EMCN: variants seen among roughly 807,000 people sequenced by gnomAD.
The protein encoded by EMCN is endomucin, also known as MUC-14.
EMCN carries 37 observed loss-of-function variants against 38.4 expected under a neutral mutation model. The observed-to-expected ratio is 0.96, with a 90% CI of 0.74 to 1.27. EMCN has a LOEUF of 1.27. Among genes scored for constraint, EMCN ranks in the 50% most tolerant of loss-of-function variants. EMCN has a pLI of 0.00. For missense variants in EMCN, 318 were observed against 302.8 expected (o/e 1.05, Z -0.37); for synonymous variants, 95 against 100.8 (o/e 0.94, Z 0.35).
intron 10 of EMCN, among the ~76,000 whole-genome samples, chr4:100,410,604 A>C (rs1726525861): frequency 6.6e-6 from 1 of 151,810 alleles, no homozygotes; most frequent in African/African-American, 2.4e-5. Context: ...GTCAGGGGGC[A>C]GTGGGGGCGG....
At chr4:100,438,597 G>A (rs1727420889) in intron 5 of EMCN, among the ~76,000 whole-genome samples, 1 of 151,402 alleles carries the variant, frequency 6.6e-6, no homozygotes, top group Non-Finnish European at 1.5e-5. Context: ...ATGATTGCTC[G>A]TGCTAGTACT....
chr4:100,515,148 T>C (rs1729720870), intron 1 of EMCN, among the ~76,000 whole-genome samples: 1 of 152,138 alleles, frequency 6.6e-6, no homozygotes, highest in Non-Finnish European at 1.5e-5. Context: ...ATTTTAATAT[T>C]TCCCAAGTTA....
chr4:100,417,617 G>A (rs768683313), intron 8 of EMCN, among the ~76,000 whole-genome samples: 4 of 152,132 alleles, frequency 2.6e-5, no homozygotes, highest in Admixed American at 6.5e-5. Context: ...ATATCTAATT[G>A]TATCTTAAAC....
chr4:100,478,360 C>T (rs554459726), intron 2 of EMCN, among the ~76,000 whole-genome samples: 1 of 152,142 alleles, frequency 6.6e-6, no homozygotes, highest in Non-Finnish European at 1.5e-5. Flanking sequence ...AGATTTTAAC[C>T]CTTAAAATTC....
At chr4:100,467,203 G>A (rs1728340182) in intron 3 of EMCN, among the ~76,000 whole-genome samples, 1 of 152,072 alleles carries the variant, frequency 6.6e-6, no homozygotes, top group Non-Finnish European at 1.5e-5. Context: ...AGGCCTTGGA[G>A]CAAATCTTGA....
intron 1 of EMCN, among the ~76,000 whole-genome samples, chr4:100,489,516 T>G (rs1729023507): frequency 6.6e-6 from 1 of 152,210 alleles, no homozygotes; most frequent in Admixed American, 6.5e-5. Context: ...GAAAAATTCC[T>G]GTTGTCTAAT....
intron 11 of EMCN, among the ~76,000 whole-genome samples, chr4:100,408,309 T>C (rs1206623593): frequency 6.6e-6 from 1 of 152,188 alleles, no homozygotes; most frequent in Non-Finnish European, 1.5e-5. Context: ...CTTTTAGAGT[T>C]TCAGGAGTTC....
At chr4:100,473,386 GT>G (rs58646995) in intron 3 of EMCN, among the ~76,000 whole-genome samples, 1 of 82,454 alleles carries the variant, frequency 1.2e-5, no homozygotes, top group African/African-American at 4.2e-5. Context: ...TTTTTTTTTT[GT>G]TTTTTTTTTT....
chr4:100,465,396 C>A (rs201800101), intron 4 of EMCN, 27 bp downstream of exon 4: 16 of 1,346,842 alleles, frequency 1.2e-5, no homozygotes, highest in Non-Finnish European at 1.7e-5. Flanking sequence ...ACTAGTTTAA[C>A]ACTTCAGCAC....
At chr4:100,486,964 T>A (rs1381150770) in intron 1 of EMCN, 23 of 985,148 alleles carry the variant, frequency 2.3e-5, no homozygotes, top group Non-Finnish European at 2.8e-5. Context: ...ATTTTTAGAT[T>A]GTGGACTTTA....
At chr4:100,496,638 C>T (rs1182307902) in intron 1 of EMCN, among the ~76,000 whole-genome samples, 1 of 152,122 alleles carries the variant, frequency 6.6e-6, no homozygotes, top group African/African-American at 2.4e-5. Context: ...AGACAGGTAT[C>T]ATTAACTATG....
chr4:100,475,173 A>C, intron 2 of EMCN, 64 bp from the exon 3 acceptor site: 1 of 844,050 alleles, frequency 1.2e-6, no homozygotes, highest in South Asian at 2.5e-5. Flanking sequence ...TCAATAAATA[A>C]AGTAAGTTAA....
At chr4:100,435,124 C>T (rs1393766856) in intron 5 of EMCN, among the ~76,000 whole-genome samples, 2 of 152,140 alleles carry the variant, frequency 1.3e-5, no homozygotes, top group Non-Finnish European at 2.9e-5. Context: ...ACCTAGAAAA[C>T]TCCATTGTCT....
At chr4:100,400,639 A>T (rs1225876464) in intron 11 of EMCN, among the ~76,000 whole-genome samples, 3 of 152,148 alleles carry the variant, frequency 2.0e-5, no homozygotes, top group Non-Finnish European at 2.9e-5. Context: ...ATACTCCTCC[A>T]TAGATGAGTT....
At chr4:100,419,877 G>A (rs1032773281) in intron 8 of EMCN, among the ~76,000 whole-genome samples, 18 of 151,996 alleles carry the variant, frequency 1.2e-4, no homozygotes, top group Non-Finnish European at 2.5e-4. Context: ...TGGTACTGTC[G>A]TTATCATACT....
chr4:100,462,085 A>G (rs567713359), intron 4 of EMCN, among the ~76,000 whole-genome samples: 1 of 152,334 alleles, frequency 6.6e-6, no homozygotes, highest in Non-Finnish European at 1.5e-5. Context: ...GGCAATAAGC[A>G]CCTTGAGAAA....
intron 1 of EMCN, among the ~76,000 whole-genome samples, chr4:100,492,009 T>C (rs1729094410): frequency 6.6e-6 from 1 of 152,194 alleles, no homozygotes; most frequent in Non-Finnish European, 1.5e-5. Flanking sequence ...TAGGAAATGA[T>C]GACACCTCCA....
intron 5 of EMCN, among the ~76,000 whole-genome samples, chr4:100,442,491 C>G (rs1234027189): frequency 6.6e-6 from 1 of 152,020 alleles, no homozygotes; most frequent in Non-Finnish European, 1.5e-5. Context: ...CTGTCTCTTT[C>G]TTTGTCTCTT....
rs57423728 is a variant in EMCN, at chr4:100,452,573, A to G, written c.377-5002T>C. The stretch of plus-strand genomic sequence containing the variant: ...CAATTCAGTAAAGGGAAAAAGAGCA[A>G]TAGTCCCTCCTTCCCTGCCAATCCT... On this transcript the variant is annotated intron_variant, in intron 4 of 11. Transcript: ENST00000296420. Among the ~76,000 whole-genome samples the G allele has an allele frequency of 6.3e-3, 959 of 152,224 alleles. 11 individuals are homozygous for G. Among genetic ancestry groups the G allele is most frequent in the African/African-American group, 0.021 (883 of 41,558 alleles).
Sources: allele counts gnomAD v4.1 joint callset (sites outside exome capture counted in the v4.1 genomes callset), GRCh38; gene constraint gnomAD v4.1.1; transcripts MANE v1.5; gene names NCBI Gene and HGNC (gene_info 2026-07-23, HGNC 2026-07-21).